Variants in TBL1X observed in about 807,000 individuals in gnomAD.
The protein encoded by TBL1X is transducin beta like 1 X-linked, also known as F-box-like/WD repeat-containing protein TBL1X.
TBL1X carries 10 observed loss-of-function variants against 50.7 expected under a neutral mutation model. The ratio of observed to expected loss-of-function variants is 0.20; its 90% CI spans 0.12 to 0.33. The LOEUF (loss-of-function observed/expected upper bound fraction) is 0.33. Ranked by LOEUF, TBL1X falls within the 10% of genes least tolerant of loss-of-function variation. TBL1X has a pLI of 1.00. For synonymous variants in TBL1X, 190 were observed against 214.7 expected, an observed-to-expected ratio of 0.88 and a Z score of 1.01; for missense variants, 340 against 504.4, an observed-to-expected ratio of 0.67 and a Z score of 3.12.
chrX:9,576,120 C>A (rs889079618), intron 2 of TBL1X, among the ~76,000 whole-genome samples: 1 of 110,969 alleles, frequency 9.0e-6, no homozygotes, highest in Non-Finnish European at 1.9e-5. Flanking sequence ...TTTTGATATT[C>A]CCCCCCCTCC....
intron 2 of TBL1X, among the ~76,000 whole-genome samples, chrX:9,518,360 G>A (rs1170580508): frequency 9.0e-6 from 1 of 111,702 alleles, no homozygotes; most frequent in African/African-American, 3.3e-5. Flanking sequence ...CCATCTTGGT[G>A]GTGTGACTTG....
At chrX:9,556,852 T>C (rs1345601293) in intron 2 of TBL1X, among the ~76,000 whole-genome samples, 2 of 109,031 alleles carry the variant, frequency 1.8e-5, no homozygotes, top group African/African-American at 6.7e-5. Flanking sequence ...AGGCTGCCCA[T>C]ATTCCTTAGC....
At chrX:9,531,928 TTCGCCATGTTGGCCAGGCTGG>T (rs1389178285) in intron 2 of TBL1X, among the ~76,000 whole-genome samples, 1 of 110,820 alleles carries the variant, frequency 9.0e-6, no homozygotes, top group Admixed American at 9.5e-5. Context: ...GAGGTGGGGT[TTCGCCATGTTGGCCAGGCTGG>T]TCTCGAATTC....
chrX:9,665,522 TATATATATATATATATAA>T (rs1251849792), intron 5 of TBL1X, among the ~76,000 whole-genome samples: 1 of 49,814 alleles, frequency 2.0e-5, no homozygotes, highest in African/African-American at 6.8e-5. Context: ...TATATATATA[TATATATATATATATATAA>T]AAGGCCTTGG....
chrX:9,483,043 A>T (rs1215063492), intron 1 of TBL1X, among the ~76,000 whole-genome samples: 2 of 111,028 alleles, frequency 1.8e-5, no homozygotes, highest in East Asian at 5.7e-4. Flanking sequence ...GTTATAAATG[A>T]GGAAGGTGTG....
chrX:9,694,007 G>A (rs1386711730), intron 11 of TBL1X, among the ~76,000 whole-genome samples: 2 of 110,926 alleles, frequency 1.8e-5, no homozygotes, highest in Non-Finnish European at 3.8e-5. Context: ...CATCAATGGG[G>A]TGGGAACCCA....
At chrX:9,543,475 C>T (rs1273669595) in intron 2 of TBL1X, among the ~76,000 whole-genome samples, 1 of 110,333 alleles carries the variant, frequency 9.1e-6, no homozygotes, top group Non-Finnish European at 1.9e-5. Flanking sequence ...TCCCTCCTCC[C>T]CCCTCCTCCC....
At chrX:9,695,442 C>T (rs2083126003) in intron 11 of TBL1X, among the ~76,000 whole-genome samples, 1 of 112,805 alleles carries the variant, frequency 8.9e-6, no homozygotes, top group Non-Finnish European at 1.9e-5. Flanking sequence ...TAGCTACTAT[C>T]AGATCTTTGC....
chrX:9,619,474 C>T (rs1397347973), intron 2 of TBL1X, among the ~76,000 whole-genome samples: 1 of 111,837 alleles, frequency 8.9e-6, no homozygotes, highest in African/African-American at 3.3e-5. Flanking sequence ...AGACATCTCA[C>T]TGTACATCTC....
chrX:9,714,023 C>T, intron 16 of TBL1X, among the ~76,000 whole-genome samples: 1 of 110,700 alleles, frequency 9.0e-6, no homozygotes, highest in Non-Finnish European at 1.9e-5. Context: ...CTGTGTTGCC[C>T]AGGCTAGTCT....
intron 2 of TBL1X, among the ~76,000 whole-genome samples, chrX:9,506,783 C>T (rs952438676): frequency 5.4e-5 from 6 of 111,919 alleles, no homozygotes; most frequent in African/African-American, 1.6e-4. Context: ...GAAATTGAGG[C>T]AGTAATTAAT....
intron 2 of TBL1X, among the ~76,000 whole-genome samples, chrX:9,577,356 C>T (rs1335584598): frequency 8.9e-6 from 1 of 112,016 alleles, no homozygotes; most frequent in Non-Finnish European, 1.9e-5. Flanking sequence ...TGGATAACTG[C>T]AGGGAGTTTC....
intron 2 of TBL1X, among the ~76,000 whole-genome samples, chrX:9,568,824 CTG>C (rs1444784003): frequency 1.9e-5 from 2 of 107,911 alleles, no homozygotes; most frequent in Non-Finnish European, 3.8e-5. Context: ...TTGTGTCTAT[CTG>C]TGCAGTGTGC....
intron 2 of TBL1X, among the ~76,000 whole-genome samples, chrX:9,630,604 A>G (rs183713314): frequency 6.3e-4 from 71 of 111,931 alleles, no homozygotes; most frequent in African/African-American, 2.2e-3. Flanking sequence ...ATTTTTTAAA[A>G]ATATTTTTTT....
At chrX:9,497,567 A>C (rs1309271509) in intron 1 of TBL1X, among the ~76,000 whole-genome samples, 2 of 111,144 alleles carry the variant, frequency 1.8e-5, no homozygotes, top group East Asian at 5.7e-4. Flanking sequence ...TGAAAGCTAC[A>C]TTGGCCACGA....
chrX:9,684,300 C>T (rs999549983), intron 6 of TBL1X, 112 bp downstream of exon 6: 10 of 1,036,191 alleles, frequency 9.7e-6, no homozygotes, highest in Non-Finnish European at 1.3e-5. Flanking sequence ...GGATTAATTC[C>T]GCGGCAGGGT....
rs1348125729 is a variant in TBL1X at position 9,711,591 on chromosome X, T to G, written c.1440-20T>G. 1 of 1,161,104 alleles carries G rather than the reference T, an allele frequency of 8.6e-7. No individual in the cohort carries two copies. Among genetic ancestry groups the G allele is most frequent in the Non-Finnish European group, 1.2e-6 (1 of 865,904 alleles). ...AACCACCGTGTGTATGTGATTTTGC[T>G]TTCTCTCCCACCTTGCTAGTGCTTC... On this transcript the variant is annotated intron_variant, in intron 15 of 17. Coordinates refer to ENST00000645353, the MANE Select transcript of TBL1X (RefSeq NM_005647.4).
intron 2 of TBL1X, among the ~76,000 whole-genome samples, chrX:9,606,814 C>T (rs192696874): frequency 7.1e-5 from 8 of 112,548 alleles, no homozygotes; most frequent in Non-Finnish European, 1.5e-4. Flanking sequence ...GCGTCCTCAG[C>T]TCCCACCTGC....
At chrX:9,608,018 C>T (rs1157700969) in intron 2 of TBL1X, among the ~76,000 whole-genome samples, 1 of 107,668 alleles carries the variant, frequency 9.3e-6, no homozygotes, top group Admixed American at 9.9e-5. Context: ...ACTGTGTTTC[C>T]CAAGCTGTTC....
Sources: allele counts gnomAD v4.1 joint callset (sites outside exome capture counted in the v4.1 genomes callset), GRCh38; gene constraint gnomAD v4.1.1; transcripts MANE v1.5; gene names NCBI Gene and HGNC (gene_info 2026-07-23, HGNC 2026-07-21).